Variants in GRIN2A observed in about 807,000 individuals in gnomAD.
GRIN2A encodes the protein glutamate ionotropic receptor NMDA type subunit 2A, also known as glutamate receptor ionotropic, NMDA 2A.
Under a neutral mutation model 113.4 loss-of-function variants are expected in GRIN2A, and 22 were observed. The observed-to-expected ratio is 0.19, with a 90% CI of 0.14 to 0.28. The LOEUF is 0.28. Among genes scored for constraint, GRIN2A ranks in the 10% least tolerant of loss-of-function variants. The probability of loss-of-function intolerance (pLI) is 1.00; values close to 1 mark genes in which losing one functional copy is unlikely to be tolerated. For synonymous variants in GRIN2A, 827 were observed against 738.4 expected (o/e 1.12, Z -1.94); for missense variants, 1,502 against 1,887.0 (o/e 0.80, Z 3.78).
At chr16:10,047,797 TACCTC>T (rs1290395230) in intron 2 of GRIN2A, among the ~76,000 whole-genome samples, 2 of 152,226 alleles carry the variant, frequency 1.3e-5, no homozygotes, top group Non-Finnish European at 2.9e-5. Flanking sequence ...GGAGTATAAA[TACCTC>T]AGCTCCTCCA....
chr16:10,079,909 G>A (rs1413605804), intron 2 of GRIN2A, among the ~76,000 whole-genome samples: 1 of 152,200 alleles, frequency 6.6e-6, no homozygotes, highest in Non-Finnish European at 1.5e-5. Context: ...AGAGAACCCT[G>A]GGTGCAATTC....
rs550518872 is a variant in GRIN2A at position 10,015,026 on chromosome 16, G to T, written c.415-76475C>A. 3.4e-4 allele frequency among the ~76,000 whole-genome samples: 51 copies of T among 152,056 alleles called. 1 individual carries two copies. In the South Asian group the frequency reaches 8.7e-3, roughly 26 times the overall value. ...CCCAGCACTTTGGGAGGCCAAGGTG[G>T]GCAGATTACCTGAGATCAGGAGTTC... is the stretch of plus-strand genomic sequence containing the variant. On this transcript the variant is annotated intron_variant, in intron 2 of 12. Transcript: ENST00000330684.
chr16:10,118,984 A>G (rs569570379), intron 2 of GRIN2A, among the ~76,000 whole-genome samples: 2 of 152,246 alleles, frequency 1.3e-5, no homozygotes, highest in South Asian at 4.1e-4. Context: ...AGACAGTGAG[A>G]TTTAGGGGAC....
intron 2 of GRIN2A, among the ~76,000 whole-genome samples, chr16:9,996,183 G>C (rs1381198761): frequency 6.6e-6 from 1 of 152,092 alleles, no homozygotes. Context: ...ATGTCAGAAA[G>C]AGAAGATGCG....
intron 11 of GRIN2A, among the ~76,000 whole-genome samples, chr16:9,772,057 C>T (rs1311907249): frequency 6.6e-6 from 1 of 152,100 alleles, no homozygotes; most frequent in African/African-American, 2.4e-5. Flanking sequence ...ATAGGAAATC[C>T]ATCCCTTTCC....
At chr16:10,085,200 G>T (rs1297933833) in intron 2 of GRIN2A, among the ~76,000 whole-genome samples, 1 of 152,184 alleles carries the variant, frequency 6.6e-6, no homozygotes, top group Non-Finnish European at 1.5e-5. Context: ...CTTATAAGGG[G>T]TTGCAGCCTG....
chr16:10,133,113 C>G (rs564127007), intron 2 of GRIN2A, among the ~76,000 whole-genome samples: 1 of 152,288 alleles, frequency 6.6e-6, no homozygotes, highest in East Asian at 1.9e-4. Flanking sequence ...GCTCTCATCT[C>G]AAGATGGATC....
chr16:9,927,350 T>C (rs990685445), intron 3 of GRIN2A, among the ~76,000 whole-genome samples: 8 of 152,180 alleles, frequency 5.3e-5, no homozygotes, highest in African/African-American at 1.9e-4. Flanking sequence ...ATCACCATTA[T>C]TGGCCCAAGA....
intron 10 of GRIN2A, among the ~76,000 whole-genome samples, chr16:9,799,747 A>G: frequency 6.6e-6 from 1 of 152,190 alleles, no homozygotes; most frequent in East Asian, 1.9e-4. Context: ...TTCCATGTGA[A>G]TACACATAGC....
intron 4 of GRIN2A, among the ~76,000 whole-genome samples, chr16:9,858,616 T>G (rs565446998): frequency 3.3e-5 from 5 of 152,320 alleles, no homozygotes; most frequent in African/African-American, 1.2e-4. Context: ...GTAGATTAAC[T>G]TTGTAATGAT....
intron 11 of GRIN2A, among the ~76,000 whole-genome samples, chr16:9,795,012 C>CATG (rs144855272): frequency 0.033 from 4,948 of 151,262 alleles, 274 homozygotes; most frequent in African/African-American, 0.11. Context: ...TGGCAATGGT[C>CATG]ATGATGATGA....
intron 12 of GRIN2A, among the ~76,000 whole-genome samples, 189 bp downstream of exon 12, chr16:9,768,662 T>C (rs1901069813): frequency 6.6e-6 from 1 of 152,210 alleles, no homozygotes; most frequent in South Asian, 2.1e-4. Context: ...CCCGTTTCCT[T>C]TCTGCCTTCC....
chr16:9,809,687 G>A (rs764050286), intron 10 of GRIN2A, among the ~76,000 whole-genome samples: 17 of 152,154 alleles, frequency 1.1e-4, no homozygotes, highest in African/African-American at 1.9e-4. Context: ...CATGACTTAA[G>A]CTGTCTGTAT....
chr16:9,839,643 T>C (rs1465595928), intron 7 of GRIN2A, among the ~76,000 whole-genome samples: 1 of 152,344 alleles, frequency 6.6e-6, no homozygotes, highest in East Asian at 1.9e-4. Flanking sequence ...GATGGATATG[T>C]AGATGCTGAA....
At chr16:9,935,512 T>TCACACACACA (rs71157793) in intron 3 of GRIN2A, among the ~76,000 whole-genome samples, 1,402 of 132,864 alleles carry the variant, frequency 0.011, 16 homozygotes, top group Non-Finnish European at 0.014. Flanking sequence ...GTCTACTTCA[T>TCACACACACA]CACACACACA....
chr16:10,179,893 C>CCCATAAAAAAA, intron 2 of GRIN2A, 105 bp downstream of exon 2: 1 of 719,818 alleles, frequency 1.4e-6, no homozygotes, highest in Non-Finnish European at 2.4e-6. Context: ...CCCCCACCCC[C>CCCATAAAAAAA]ACTTCACATC....
intron 4 of GRIN2A, among the ~76,000 whole-genome samples, chr16:9,860,942 T>C (rs2043056777): frequency 6.6e-6 from 1 of 152,234 alleles, no homozygotes; most frequent in Non-Finnish European, 1.5e-5. Flanking sequence ...CTGTAGCATA[T>C]CATCCATTTT....
At chr16:10,010,735 AC>A (rs1256339062) in intron 2 of GRIN2A, among the ~76,000 whole-genome samples, 1 of 151,968 alleles carries the variant, frequency 6.6e-6, no homozygotes, top group Admixed American at 6.6e-5. Flanking sequence ...TCATGCCTCC[AC>A]CCCCAGGTAC....
chr16:10,003,058 A>G (rs530868254), intron 2 of GRIN2A, among the ~76,000 whole-genome samples: 2 of 152,368 alleles, frequency 1.3e-5, no homozygotes, highest in East Asian at 3.9e-4. Context: ...AATTATGGAC[A>G]GTAGAACTCA....
Sources: allele counts gnomAD v4.1 joint callset (sites outside exome capture counted in the v4.1 genomes callset), GRCh38; gene constraint gnomAD v4.1.1; transcripts MANE v1.5; gene names NCBI Gene and HGNC (gene_info 2026-07-23, HGNC 2026-07-21).